Variants in DCUN1D4 observed in about 807,000 individuals in gnomAD.
The protein encoded by DCUN1D4 is DCN1-like protein 4.
DCUN1D4 carries 22 observed loss-of-function variants against 47.9 expected under a neutral mutation model. That is an observed-to-expected ratio of 0.46 (90% CI 0.33 to 0.66). DCUN1D4 has a LOEUF of 0.66. Ranked by LOEUF, DCUN1D4 falls within the 30% of genes least tolerant of loss-of-function variation. DCUN1D4 has a pLI of 0.02. For synonymous variants in DCUN1D4, 121 were observed against 112.2 expected (o/e 1.08, Z -0.50); for missense variants, 301 against 340.8 (o/e 0.88, Z 0.92).
chr4:51,913,479 A>ATTATTG, intron 10 of DCUN1D4, 50 bp from the exon 11 acceptor site: 1 of 1,555,894 alleles, frequency 6.4e-7, no homozygotes. Context: ...TACTATTATT[A>ATTATTG]TTATTGTTAT....
chr4:51,863,532 A>G, intron 2 of DCUN1D4, 25 bp downstream of exon 2: 1 of 1,598,160 alleles, frequency 6.3e-7, no homozygotes, highest in Non-Finnish European at 8.6e-7. Context: ...TAAAGACAAA[A>G]TTACCAACTG....
chr4:51,912,803 G>T (rs1255520389), intron 9 of DCUN1D4, among the ~76,000 whole-genome samples: 1 of 152,210 alleles, frequency 6.6e-6, no homozygotes, highest in African/African-American at 2.4e-5. Flanking sequence ...GTAACCTGCT[G>T]CTGCATGTGC....
At chr4:51,844,793 G>A (rs1722249449) in intron 1 of DCUN1D4, 3 of 982,226 alleles carry the variant, frequency 3.1e-6, no homozygotes, top group Non-Finnish European at 3.6e-6. Context: ...TTGTAGTCGC[G>A]GCCGCGCCCG....
chr4:51,884,245 G>GT (rs769007912), intron 5 of DCUN1D4: 4 of 152,246 alleles, frequency 2.6e-5, no homozygotes, highest in Non-Finnish European at 5.9e-5. Flanking sequence ...GAAAAATGAC[G>GT]TAAGACTTCC....
At chr4:51,860,115 C>T (rs1316749356) in intron 1 of DCUN1D4, among the ~76,000 whole-genome samples, 2 of 151,758 alleles carry the variant, frequency 1.3e-5, no homozygotes, top group African/African-American at 2.4e-5. Context: ...ACATTTTTGT[C>T]TTTTTTTTCT....
At chr4:51,835,697 G>A in the DCUN1D4 span, among the ~76,000 whole-genome samples, 1 of 152,038 alleles carries the variant, frequency 6.6e-6, no homozygotes, top group Non-Finnish European at 1.5e-5. Context: ...AGCTGCTTGG[G>A]GCCTCGGGTT....
Position 51,872,052 on chromosome 4 carries a change from T to C in DCUN1D4, c.137-2219T>C, listed in dbSNP as rs150254271. On this transcript the variant is annotated intron_variant, in intron 3 of 10. Transcript: ENST00000334635. ...AGCCTGGTTGGTTCCCCAGGAATGG[T>C]GGCTGAGGGTCATCTGTTTAGACCT... 6.5e-3 allele frequency among the ~76,000 whole-genome samples: 985 copies of C among 152,218 alleles called. 5 individuals are homozygous for C. The highest frequency in any genetic ancestry group is 0.01 in the Non-Finnish European group (691 of 67,994).
chr4:51,903,268 A>T (rs1389311330), intron 8 of DCUN1D4, among the ~76,000 whole-genome samples: 1 of 152,064 alleles, frequency 6.6e-6, no homozygotes, highest in African/African-American at 2.4e-5. Flanking sequence ...TTCAACTTAG[A>T]AGAGACTTCT....
In DCUN1D4 at chr4:51,913,779, C is replaced by T; in HGVS notation, c.*195C>T. ...ATTGTTCTCTTGGAAGGCTGCTTTG[C>T]AGTTTGTATTTACACTACAGATTGG... On this transcript the variant is annotated 3_prime_UTR_variant, in exon 11 of 11. Transcript: ENST00000334635. 1 of 538,382 alleles carries T rather than the reference C, an allele frequency of 1.9e-6. No individual in the cohort carries two copies. 33.4% of individuals were successfully genotyped at this position (538,382 alleles called of 1,614,324 possible). A position where few individuals can be genotyped will look rare whatever the true frequency, so the allele number is the denominator to read the frequency against.
intron 3 of DCUN1D4, among the ~76,000 whole-genome samples, chr4:51,864,554 A>G (rs923104038): frequency 6.6e-6 from 1 of 152,190 alleles, no homozygotes; most frequent in Non-Finnish European, 1.5e-5. Flanking sequence ...GAGACTGGTA[A>G]GTTTAAGGTG....
chr4:51,874,215 T>A, intron 3 of DCUN1D4, 56 bp from the exon 4 acceptor site: 1 of 1,155,044 alleles, frequency 8.7e-7, no homozygotes, highest in Non-Finnish European at 1.3e-6. Flanking sequence ...TCTTTGGAAG[T>A]ACAGAGTTAG....
intron 1 of DCUN1D4, 61 bp from the exon 2 acceptor site, chr4:51,863,376 G>C (rs932726796): frequency 1.5e-6 from 2 of 1,300,364 alleles, no homozygotes; most frequent in Non-Finnish European, 2.2e-6. Flanking sequence ...TATTTTCTGA[G>C]TTTGTTTTTT....
upstream of DCUN1D4, chr4:51,842,935 C>T (rs1293485918): frequency 2.7e-6 from 2 of 751,654 alleles, no homozygotes; most frequent in East Asian, 3.7e-5. Flanking sequence ...CAACCCGCTG[C>T]TCCGGAGCAT....
intron 1 of DCUN1D4, among the ~76,000 whole-genome samples, chr4:51,862,993 G>A (rs148342979): frequency 8.0e-4 from 122 of 152,224 alleles, no homozygotes; most frequent in African/African-American, 2.5e-3. Flanking sequence ...CCTGGGCAAC[G>A]TAGTGAGATC....
At chr4:51,885,194 C>A (rs1427405302) in intron 5 of DCUN1D4, among the ~76,000 whole-genome samples, 1 of 152,026 alleles carries the variant, frequency 6.6e-6, no homozygotes, top group Non-Finnish European at 1.5e-5. Flanking sequence ...AAGTGGATCC[C>A]TTCAGTGGCT....
chr4:51,865,291 C>T, intron 3 of DCUN1D4: 1 of 232,506 alleles, frequency 4.3e-6, no homozygotes, highest in Non-Finnish European at 8.9e-6. Flanking sequence ...CAGCGTGGAG[C>T]TACTCTTCCA....
At chr4:51,858,510 C>T (rs1032439030) in intron 1 of DCUN1D4, among the ~76,000 whole-genome samples, 2 of 152,168 alleles carry the variant, frequency 1.3e-5, no homozygotes, top group African/African-American at 4.8e-5. Context: ...AACAGCTTCC[C>T]CTTCCATCTG....
the DCUN1D4 span, among the ~76,000 whole-genome samples, chr4:51,834,407 A>G: frequency 6.6e-6 from 1 of 151,478 alleles, no homozygotes; most frequent in African/African-American, 2.4e-5. Context: ...TGCTTCAGGG[A>G]GGCAGGGAAG....
chr4:51,910,298 C>A (rs906419016), intron 8 of DCUN1D4, among the ~76,000 whole-genome samples: 1 of 152,130 alleles, frequency 6.6e-6, no homozygotes, highest in Non-Finnish European at 1.5e-5. Context: ...TCCTTAATTG[C>A]AAATGTAAGT....
Sources: gnomAD v4.1 joint callset for allele counts (sites outside exome capture counted in the v4.1 genomes callset) on GRCh38, gnomAD v4.1.1 for gene constraint, MANE v1.5 for transcripts, NCBI Gene and HGNC (gene_info 2026-07-23, HGNC 2026-07-21) for gene names.